The following TEX11 variants were observed in gnomAD, a reference collection of about 807,000 sequenced individuals.
TEX11 encodes the protein testis-expressed protein 11.
TEX11 carries 7 observed loss-of-function variants against 84.4 expected under a neutral mutation model. The ratio of observed to expected loss-of-function variants is 0.08; its 90% CI spans 0.05 to 0.16. The LOEUF is 0.16. Ranked by LOEUF, TEX11 falls within the 10% of genes least tolerant of loss-of-function variation. TEX11 has a pLI of 1.00. For synonymous variants in TEX11, 264 were observed against 222.8 expected, an observed-to-expected ratio of 1.18 and a Z score of -1.64; for missense variants, 551 against 660.5, an observed-to-expected ratio of 0.83 and a Z score of 1.82.
In TEX11 at chrX:70,685,586, A is replaced by T. The variant is rs755558590; in HGVS notation, c.1005-2761T>A. On this transcript the variant is annotated intron_variant, in intron 13 of 29. Coordinates refer to ENST00000374333, the MANE Select transcript of TEX11 (RefSeq NM_031276.3). ...AACACCAAAAGCAAAGGCAAAAAAA[A>T]TTTTTAAAGCAAAAACAAACAAATG... Among the ~76,000 whole-genome samples, 11 of 112,300 alleles carry T rather than the reference A, an allele frequency of 9.8e-5. No homozygotes were observed. The South Asian group carries it at 1.5e-3, about 15-fold the overall frequency.
At chrX:70,854,553 T>C (rs1338953526) in intron 5 of TEX11, among the ~76,000 whole-genome samples, 1 of 110,388 alleles carries the variant, frequency 9.1e-6, no homozygotes, top group Non-Finnish European at 1.9e-5. Flanking sequence ...CAACATAACA[T>C]AGCAAGACCC....
chrX:70,821,947 T>C (rs1468298402), intron 8 of TEX11, among the ~76,000 whole-genome samples: 1 of 111,346 alleles, frequency 9.0e-6, no homozygotes, highest in Non-Finnish European at 1.9e-5. Context: ...TGGGGATTTG[T>C]TCCAGGACCC....
At chrX:70,703,935 T>C (rs2090346865) in intron 13 of TEX11, among the ~76,000 whole-genome samples, 2 of 111,663 alleles carry the variant, frequency 1.8e-5, no homozygotes, top group African/African-American at 6.5e-5. Flanking sequence ...CGTTCGATTG[T>C]AGTCTCCAGT....
chrX:70,713,323 A>T (rs929226745), intron 13 of TEX11, among the ~76,000 whole-genome samples: 3 of 111,823 alleles, frequency 2.7e-5, no homozygotes, highest in Non-Finnish European at 3.8e-5. Flanking sequence ...GTTACGGAGG[A>T]TTCCCTCTTT....
chrX:70,795,315 A>G (rs1053473784), intron 9 of TEX11, among the ~76,000 whole-genome samples: 3 of 110,534 alleles, frequency 2.7e-5, no homozygotes, highest in Non-Finnish European at 5.7e-5. Context: ...CAGCCACAGT[A>G]AAAAGGAGCA....
At chrX:70,885,845 C>G (rs971084187) in intron 2 of TEX11, among the ~76,000 whole-genome samples, 1 of 95,518 alleles carries the variant, frequency 1.0e-5, no homozygotes, top group African/African-American at 4.1e-5. Flanking sequence ...GAGCCAAGAT[C>G]GAGCCACTAC....
chrX:70,740,209 A>C (rs1166310642), intron 11 of TEX11, among the ~76,000 whole-genome samples: 1 of 111,611 alleles, frequency 9.0e-6, no homozygotes, highest in Admixed American at 9.6e-5. Flanking sequence ...TACTTTACAA[A>C]CAACAGATAT....
At chrX:70,902,125 C>T (rs939711705) in intron 2 of TEX11, among the ~76,000 whole-genome samples, 3 of 111,481 alleles carry the variant, frequency 2.7e-5, no homozygotes, top group African/African-American at 9.8e-5. Flanking sequence ...TGGTGCATGC[C>T]TGTGATTCCC....
intron 2 of TEX11, among the ~76,000 whole-genome samples, chrX:70,892,689 A>G (rs1258039419): frequency 9.2e-6 from 1 of 108,243 alleles, no homozygotes; most frequent in Admixed American, 1.0e-4. Context: ...GATGAGATCG[A>G]CCCACTGCAC....
At chrX:70,901,772 G>A (rs1008344807) in intron 2 of TEX11, among the ~76,000 whole-genome samples, 9 of 111,786 alleles carry the variant, frequency 8.1e-5, no homozygotes, top group African/African-American at 2.9e-4. Context: ...CCGTCATAGA[G>A]TGTACTTACA....
intron 13 of TEX11, among the ~76,000 whole-genome samples, chrX:70,688,167 G>GAAATTCCATCCTAAGACATGTCATAGTC (rs2090204391): frequency 1.8e-5 from 2 of 111,197 alleles, no homozygotes; most frequent in Admixed American, 9.6e-5. Flanking sequence ...TAAATCCAAA[G>GAAATTCCATCCTAAGACATGTCATAGTC]AAATTCCATC....
At chrX:70,728,484 C>T (rs1034553468) in intron 11 of TEX11, among the ~76,000 whole-genome samples, 7 of 113,074 alleles carry the variant, frequency 6.2e-5, no homozygotes, top group Admixed American at 9.3e-5. Context: ...GCACTTCCAA[C>T]GGTCTTAGCA....
At chrX:70,564,702 A>G (rs1298694871) in intron 25 of TEX11, among the ~76,000 whole-genome samples, 1 of 106,983 alleles carries the variant, frequency 9.3e-6, no homozygotes, top group Non-Finnish European at 1.9e-5. Context: ...ATGATTTCCA[A>G]TTTCATCCAT....
intron 7 of TEX11, among the ~76,000 whole-genome samples, chrX:70,838,665 G>A (rs1034533741): frequency 1.6e-4 from 18 of 110,924 alleles, no homozygotes; most frequent in South Asian, 1.1e-3. Flanking sequence ...CAAACTGTGC[G>A]CAAGCCAAAG....
rs1275495983 is a variant in TEX11, at chrX:70,715,900, T to A, written c.1004+6718A>T. ...TAGAGTTTCCAGTTTTTCTGCTCTG[T>A]TTTTTCCCCATCTTTGTGGTTTTAT... On this transcript the variant is annotated intron_variant, in intron 13 of 29. Transcript: ENST00000374333. 9.0e-5 allele frequency among the ~76,000 whole-genome samples: 10 copies of A among 111,602 alleles called. No homozygotes were observed. The East Asian group carries it at 2.8e-3, about 32-fold the overall frequency.
chrX:70,728,333 G>A (rs1366978693), intron 11 of TEX11, among the ~76,000 whole-genome samples: 1 of 112,898 alleles, frequency 8.9e-6, no homozygotes, highest in East Asian at 2.8e-4. Flanking sequence ...AGTGGGTGCA[G>A]TGCACTGAGC....
At chrX:70,851,011 C>A in intron 7 of TEX11, among the ~76,000 whole-genome samples, 1 of 112,357 alleles carries the variant, frequency 8.9e-6, no homozygotes, top group Non-Finnish European at 1.9e-5. Flanking sequence ...CTTATGATAA[C>A]AATATCCCCC....
intron 13 of TEX11, among the ~76,000 whole-genome samples, chrX:70,707,205 T>C (rs752981262): frequency 9.0e-6 from 1 of 110,551 alleles, no homozygotes; most frequent in South Asian, 3.9e-4. Flanking sequence ...TTTCGGATGT[T>C]CCTAGTCCAT....
chrX:70,603,677 G>T (rs1356573409), intron 24 of TEX11, among the ~76,000 whole-genome samples: 1 of 111,549 alleles, frequency 9.0e-6, no homozygotes, highest in Admixed American at 9.5e-5. Flanking sequence ...AAAAGCAGTG[G>T]CAACCAAAGC....
Sources: allele counts gnomAD v4.1 joint callset (sites outside exome capture counted in the v4.1 genomes callset), GRCh38; gene constraint gnomAD v4.1.1; transcripts MANE v1.5; gene names NCBI Gene and HGNC (gene_info 2026-07-23, HGNC 2026-07-21).